SHISA6: variants seen among roughly 807,000 people sequenced by gnomAD.
The protein encoded by SHISA6 is protein shisa-6.
A neutral mutation model predicts 47.9 loss-of-function variants in SHISA6; 22 were observed. That is an observed-to-expected ratio of 0.46 (90% CI 0.33 to 0.66). SHISA6 has a LOEUF of 0.66. Among genes scored for constraint, SHISA6 ranks in the 30% least tolerant of loss-of-function variants. The pLI, the probability that SHISA6 is intolerant of heterozygous loss-of-function variation, is 0.02. For synonymous variants in SHISA6, 388 were observed against 337.8 expected (o/e 1.15, Z -1.63); for missense variants, 680 against 764.6 (o/e 0.89, Z 1.30).
At chr17:11,533,601 T>A (rs1422039566) in intron 3 of SHISA6, among the ~76,000 whole-genome samples, 214 of 144,454 alleles carry the variant, frequency 1.5e-3, no homozygotes, top group African/African-American at 5.4e-3. Flanking sequence ...TTTTTTTTTT[T>A]TTTTTTTTTG....
intron 3 of SHISA6, among the ~76,000 whole-genome samples, chr17:11,534,217 G>A (rs1011072422): frequency 4.0e-5 from 6 of 148,716 alleles, no homozygotes; most frequent in African/African-American, 1.5e-4. Context: ...TGTTGACCAG[G>A]CTGGTCTTGA....
intron 2 of SHISA6, among the ~76,000 whole-genome samples, chr17:11,316,926 T>C (rs72824634): frequency 6.6e-6 from 1 of 152,314 alleles, no homozygotes; most frequent in Non-Finnish European, 1.5e-5. Flanking sequence ...GAAGAGTTTT[T>C]ATGTTTACAT....
chr17:11,556,238 C>T (rs185773038), intron 5 of SHISA6, among the ~76,000 whole-genome samples: 234 of 152,254 alleles, frequency 1.5e-3, no homozygotes, highest in Non-Finnish European at 2.7e-3. Flanking sequence ...GCTGTATACC[C>T]TATACTGGAT....
At chr17:11,529,633 AAATT>A (rs1447770187) in intron 3 of SHISA6, among the ~76,000 whole-genome samples, 1 of 152,226 alleles carries the variant, frequency 6.6e-6, no homozygotes, top group Non-Finnish European at 1.5e-5. Flanking sequence ...TGTGAATTAT[AAATT>A]AATAAATTAC....
At chr17:11,388,817 TATATATATATATATATATA>T (rs1913288048) in intron 3 of SHISA6, among the ~76,000 whole-genome samples, 1 of 103,844 alleles carries the variant, frequency 9.6e-6, no homozygotes, top group Admixed American at 9.2e-5. Context: ...TATATATATA[TATATATATATATATATATA>T]TATATTTTAA....
chr17:11,499,683 C>CTTTTTTTTTTTTT (rs372464937), intron 3 of SHISA6, among the ~76,000 whole-genome samples: 38 of 127,496 alleles, frequency 3.0e-4, no homozygotes, highest in Middle Eastern at 4.5e-3. Flanking sequence ...CTTTTTCTTT[C>CTTTTTTTTTTTTT]TTTTTTTTTT....
intron 3 of SHISA6, among the ~76,000 whole-genome samples, chr17:11,502,876 G>A (rs2071466978): frequency 6.6e-6 from 1 of 152,186 alleles, no homozygotes; most frequent in Non-Finnish European, 1.5e-5. Flanking sequence ...AGAACAGTAG[G>A]CAGCCTTTTT....
In SHISA6 at chr17:11,557,879, CG is replaced by C; in HGVS notation, c.1232del (p.Arg411ProfsTer82). On this transcript the variant is annotated frameshift_variant, in exon 6 of 6. Coordinates refer to ENST00000441885, the MANE Select transcript of SHISA6 (RefSeq NM_207386.4). LOFTEE classifies it high-confidence loss of function. ...QQKPLPRERPRRPIRAMSQDR... is the reference protein window; with the variant it reads ...QQKPLPRERPXRPIRAMSQDR... ...GAAGCCGTTGCCAAGGGAACGACCC[CG>C]CCGGCCCATCCGGGCCATGTCCCAG... is the stretch of plus-strand genomic sequence containing the variant. 6.4e-7 allele frequency: 1 copy of C among 1,551,548 alleles called. No homozygotes were observed. Among genetic ancestry groups the C allele is most frequent in the Non-Finnish European group, 8.7e-7 (1 of 1,147,014 alleles).
intron 3 of SHISA6, among the ~76,000 whole-genome samples, chr17:11,469,018 C>CAAAA (rs61191316): frequency 2.2e-4 from 10 of 46,080 alleles, no homozygotes; most frequent in Admixed American, 3.5e-4. Flanking sequence ...GACTCCGTCT[C>CAAAA]AAAAAAAAAA....
chr17:11,314,556 A>C (rs1390373395), intron 2 of SHISA6, among the ~76,000 whole-genome samples: 1 of 141,134 alleles, frequency 7.1e-6, no homozygotes, highest in African/African-American at 2.6e-5. Context: ...TTTTTTTGAG[A>C]TGGAGTCCCG....
intron 3 of SHISA6, among the ~76,000 whole-genome samples, chr17:11,449,948 G>A (rs1223058240): frequency 1.3e-5 from 2 of 152,166 alleles, no homozygotes; most frequent in South Asian, 2.1e-4. Flanking sequence ...GCAGTGGCGC[G>A]ATCTCAGCTC....
intron 3 of SHISA6, among the ~76,000 whole-genome samples, chr17:11,445,142 G>C (rs34250950): frequency 0.038 from 5,762 of 152,134 alleles, 150 homozygotes; most frequent in Non-Finnish European, 0.054. Flanking sequence ...CGTTTTTCCC[G>C]GTGGTAGACA....
intron 1 of SHISA6, among the ~76,000 whole-genome samples, chr17:11,246,959 A>G (rs1297449822): frequency 1.3e-5 from 2 of 152,004 alleles, no homozygotes; most frequent in African/African-American, 4.8e-5. Context: ...GCCCCTCCCC[A>G]AGCTCAGAAG....
At position 11,423,691 on chromosome 17, in the gene SHISA6, C is replaced by T. The variant is rs531868510; in HGVS notation, c.895+44182C>T. On this transcript the variant is annotated intron_variant, in intron 3 of 5. Coordinates refer to ENST00000441885, the MANE Select transcript of SHISA6 (RefSeq NM_207386.4). ...ACAAAAGATCAGTTCACCATACAGC[C>T]GCCAAAACTGCAAAATAAGTAAGAC... Among the ~76,000 whole-genome samples, 15 of 151,784 alleles carry T rather than the reference C, an allele frequency of 9.9e-5. No individual in the cohort carries two copies. The South Asian group carries it at 1.7e-3, about 17-fold the overall frequency.
chr17:11,558,614 G>A lies in SHISA6; in HGVS notation c.*310G>A, dbSNP rs958487583. On this transcript the variant is annotated 3_prime_UTR_variant, in exon 6 of 6. Coordinates refer to ENST00000441885, the MANE Select transcript of SHISA6 (RefSeq NM_207386.4). Reference sequence around the variant, plus strand: ...TTCACCAACTCCCTTTCCGTCCCGCGCCTCCTTCTCCCCATCCGGGGGACT... The same window carrying A: ...TTCACCAACTCCCTTTCCGTCCCGCACCTCCTTCTCCCCATCCGGGGGACT... The A allele has an allele frequency of 1.7e-5, 7 of 410,386 alleles. No homozygotes were observed. The highest frequency in any genetic ancestry group is 4.4e-5 in the East Asian group (1 of 22,928). 25.4% of individuals were successfully genotyped at this position (410,386 alleles called of 1,614,324 possible).
rs947719904 is a variant in SHISA6, at chr17:11,307,138, GTTTTCTTTTT to G, written c.799+43625_799+43634del. Among the ~76,000 whole-genome samples, 6 of 53,334 alleles carry G rather than the reference GTTTTCTTTTT, an allele frequency of 1.1e-4. No homozygotes were observed. In the South Asian group the frequency reaches 3.7e-3, roughly 33 times the overall value. 35.0% of individuals were successfully genotyped at this position (53,334 alleles called of 152,430 possible). A position where few individuals can be genotyped will look rare whatever the true frequency, so the allele number is the denominator to read the frequency against. ...TTTATTTATTTATTTTTGTTTGTTT[GTTTTCTTTTT>G]TTTTCTTTTTTTCTTTTTTTTTTAT... On this transcript the variant is annotated intron_variant, in intron 2 of 5. Transcript: ENST00000441885.
chr17:11,304,211 G>T (rs1042530379), intron 2 of SHISA6, among the ~76,000 whole-genome samples: 3 of 152,230 alleles, frequency 2.0e-5, no homozygotes, highest in Admixed American at 6.5e-5. Context: ...AGTGAGAGGG[G>T]CCCTGGAGGG....
At chr17:11,365,867 T>C (rs1912432177) in intron 2 of SHISA6, among the ~76,000 whole-genome samples, 1 of 152,180 alleles carries the variant, frequency 6.6e-6, no homozygotes, top group Non-Finnish European at 1.5e-5. Context: ...TTGGGGAGCC[T>C]ACAATAGATT....
chr17:11,494,325 C>T (rs2071390741), intron 3 of SHISA6, among the ~76,000 whole-genome samples: 1 of 152,190 alleles, frequency 6.6e-6, no homozygotes, highest in African/African-American at 2.4e-5. Context: ...CAGACCTCTT[C>T]CCACATGTGG....
Sources: allele counts gnomAD v4.1 joint callset (sites outside exome capture counted in the v4.1 genomes callset), GRCh38; gene constraint gnomAD v4.1.1; transcripts MANE v1.5; gene names NCBI Gene and HGNC (gene_info 2026-07-23, HGNC 2026-07-21).